TBL1X: variants seen among roughly 807,000 people sequenced by gnomAD.
The protein encoded by TBL1X is F-box-like/WD repeat-containing protein TBL1X.
In TBL1X, 10 loss-of-function variants were observed where a neutral mutation model predicts 50.7. The ratio of observed to expected loss-of-function variants is 0.20; its 90% CI spans 0.12 to 0.33. The LOEUF is 0.33. TBL1X is among the 10% of genes least tolerant of loss of function. TBL1X has a pLI of 1.00. For synonymous variants in TBL1X, 190 were observed against 214.7 expected, an observed-to-expected ratio of 0.88 and a Z score of 1.01; for missense variants, 340 against 504.4, an observed-to-expected ratio of 0.67 and a Z score of 3.12.
chrX:9,712,603 C>T (rs1435655015), intron 16 of TBL1X, among the ~76,000 whole-genome samples: 1 of 112,376 alleles, frequency 8.9e-6, no homozygotes, highest in African/African-American at 3.2e-5. Context: ...TCCCAAAGTG[C>T]TGGGATTACA....
intron 2 of TBL1X, among the ~76,000 whole-genome samples, chrX:9,585,961 G>A: frequency 9.0e-6 from 1 of 111,077 alleles, no homozygotes; most frequent in East Asian, 2.8e-4. Flanking sequence ...CATTAATGTG[G>A]GTACCATCAA....
Position 9,716,366 on chromosome X carries a change from C to A in TBL1X, c.*120C>A. 3 of 761,130 alleles carry A rather than the reference C, an allele frequency of 3.9e-6. No individual in the cohort carries two copies. The highest frequency in any genetic ancestry group is 5.7e-6 in the Non-Finnish European group (3 of 525,410). 62.7% of individuals were successfully genotyped at this position (761,130 alleles called of 1,213,427 possible). A position where few individuals can be genotyped will look rare whatever the true frequency, so the allele number is the denominator to read the frequency against. On this transcript the variant is annotated 3_prime_UTR_variant, in exon 18 of 18. Transcript: ENST00000645353. ...CTTGCGTTAGAGTGTACTCTGAAAC[C>A]AACTCGTCTCTGGCCGCAGGAGTCT... is the stretch of plus-strand genomic sequence containing the variant.
rs374237140 is a variant in TBL1X at position 9,622,440 on chromosome X, C to T, written c.-130-17833C>T. 7.2e-5 allele frequency among the ~76,000 whole-genome samples: 8 copies of T among 111,079 alleles called. No homozygotes were observed. In the East Asian group the frequency reaches 2.3e-3, roughly 31 times the overall value. On this transcript the variant is annotated intron_variant, in intron 2 of 17. Transcript: ENST00000645353. ...TGTAGCGTCTTCAAGGTTCACACAC[C>T]TGTGTCAGAATTTCATTCTTTTTTT... is the stretch of plus-strand genomic sequence containing the variant.
At chrX:9,648,877 G>C (rs1293109423) in intron 3 of TBL1X, among the ~76,000 whole-genome samples, 1 of 112,427 alleles carries the variant, frequency 8.9e-6, no homozygotes, top group Non-Finnish European at 1.9e-5. Context: ...TCTGGTCTTA[G>C]AAAAAAGAGG....
At chrX:9,696,768 C>G (rs1464356877) in intron 11 of TBL1X, among the ~76,000 whole-genome samples, 1 of 112,583 alleles carries the variant, frequency 8.9e-6, no homozygotes, top group Non-Finnish European at 1.9e-5. Context: ...ACAGTTTCTG[C>G]ATTTGGGGAT....
intron 1 of TBL1X, among the ~76,000 whole-genome samples, chrX:9,486,608 G>A (rs971270379): frequency 3.0e-5 from 2 of 67,093 alleles, no homozygotes; most frequent in African/African-American, 5.6e-5. Flanking sequence ...CCACGCCCCC[G>A]CCGCCTCAAG....
intron 2 of TBL1X, among the ~76,000 whole-genome samples, chrX:9,598,201 C>A (rs767522035): frequency 9.0e-6 from 1 of 111,593 alleles, no homozygotes; most frequent in African/African-American, 3.3e-5. Flanking sequence ...ATTCTGCACT[C>A]CAGAACCGTG....
chrX:9,715,687 G>A (rs1161780675), intron 17 of TBL1X, among the ~76,000 whole-genome samples: 1 of 112,209 alleles, frequency 8.9e-6, no homozygotes, highest in Non-Finnish European at 1.9e-5. Flanking sequence ...TGTGCACAGG[G>A]TGGCCACAAT....
At chrX:9,554,403 T>C (rs1050425129) in intron 2 of TBL1X, among the ~76,000 whole-genome samples, 4 of 112,435 alleles carry the variant, frequency 3.6e-5, no homozygotes, top group African/African-American at 1.3e-4. Context: ...TGCATTTTAG[T>C]TTTCATCACA....
chrX:9,502,441 C>G (rs775179945), intron 2 of TBL1X, among the ~76,000 whole-genome samples: 38 of 112,245 alleles, frequency 3.4e-4, no homozygotes, highest in African/African-American at 1.2e-3. Flanking sequence ...AGCTGGTGTT[C>G]CTGCTCCTCC....
intron 2 of TBL1X, among the ~76,000 whole-genome samples, chrX:9,574,201 C>T (rs1347672584): frequency 2.7e-5 from 3 of 110,235 alleles, no homozygotes; most frequent in Non-Finnish European, 5.7e-5. Flanking sequence ...CAGTGGCTCA[C>T]ATCTGTAGTC....
chrX:9,537,028 C>A (rs778554973), intron 2 of TBL1X, among the ~76,000 whole-genome samples: 2 of 111,769 alleles, frequency 1.8e-5, no homozygotes, highest in East Asian at 5.6e-4. Flanking sequence ...TAAGGTCAAT[C>A]CACTAATTTC....
rs578084892 is a variant in TBL1X at position 9,556,755 on chromosome X, G to T, written c.-131+54906G>T. On this transcript the variant is annotated intron_variant, in intron 2 of 17. Coordinates refer to ENST00000645353, the MANE Select transcript of TBL1X (RefSeq NM_005647.4). The stretch of plus-strand genomic sequence containing the variant: ...CTACAGGGTGGTGGTATTTGCTGAA[G>T]GCTCGAGGGTTAAGTTTCTGGTTTT... Among the ~76,000 whole-genome samples, 41 of 110,160 alleles carry T rather than the reference G, an allele frequency of 3.7e-4. No homozygotes were observed. The South Asian group carries it at 0.015, about 40-fold the overall frequency.
intron 2 of TBL1X, among the ~76,000 whole-genome samples, chrX:9,554,313 A>C (rs1414606421): frequency 8.9e-6 from 1 of 112,730 alleles, no homozygotes. Context: ...AGGTATTAGA[A>C]TTATTAACTC....
At chrX:9,716,154 C>T (rs2083277064) in intron 17 of TBL1X, 66 bp from the exon 18 acceptor site, 2 of 1,157,723 alleles carry the variant, frequency 1.7e-6, no homozygotes, top group African/African-American at 1.8e-5. Flanking sequence ...AGCTTGCCGA[C>T]TTCTCACTCT....
chrX:9,568,479 T>C (rs770608573), intron 2 of TBL1X, among the ~76,000 whole-genome samples: 64 of 111,092 alleles, frequency 5.8e-4, no homozygotes, highest in Admixed American at 1.6e-3. Context: ...GTCGTGTCTA[T>C]CTGCACCGTG....
chrX:9,706,844 A>T (rs987821489), intron 13 of TBL1X, among the ~76,000 whole-genome samples: 5 of 111,003 alleles, frequency 4.5e-5, no homozygotes, highest in Non-Finnish European at 7.6e-5. Context: ...CCTGCCTGGA[A>T]TGCTCCCTGC....
At chrX:9,629,864 C>G (rs745468656) in intron 2 of TBL1X, among the ~76,000 whole-genome samples, 1 of 110,564 alleles carries the variant, frequency 9.0e-6, no homozygotes, top group African/African-American at 3.3e-5. Flanking sequence ...GATCGCTGAT[C>G]GCCGGTTGTA....
chrX:9,698,970 C>T (rs1238118952), intron 12 of TBL1X, among the ~76,000 whole-genome samples: 1 of 111,131 alleles, frequency 9.0e-6, no homozygotes, highest in East Asian at 2.8e-4. Context: ...CTTCGTGGGT[C>T]GTTTTGGGTT....
Sources: gnomAD v4.1 joint callset for allele counts (sites outside exome capture counted in the v4.1 genomes callset) on GRCh38, gnomAD v4.1.1 for gene constraint, MANE v1.5 for transcripts, NCBI Gene and HGNC (gene_info 2026-07-23, HGNC 2026-07-21) for gene names.